AQP9: variants seen among roughly 807,000 people sequenced by gnomAD.
AQP9 encodes the protein aquaporin-9.
A neutral mutation model predicts 23.8 loss-of-function variants in AQP9; 19 were observed. That is an observed-to-expected ratio of 0.80 (90% CI 0.56 to 1.17). AQP9 has a LOEUF of 1.17. Ranked by LOEUF, AQP9 falls within the 50% of genes most tolerant of loss-of-function variation. The pLI is 0.00. For synonymous variants in AQP9, 153 were observed against 131.5 expected (o/e 1.16, Z -1.12); for missense variants, 413 against 362.0 (o/e 1.14, Z -1.14).
rs113392375 is a variant in AQP9 at position 58,157,393 on chromosome 15, G to A, written c.112-9280G>A. ...TCTGGGTGAGACTTGGAGGTATTGG[G>A]GCATTTTAGAATGTCCACCTGGCTT... is the stretch of plus-strand genomic sequence containing the variant. On this transcript the variant is annotated intron_variant, in intron 1 of 5. Transcript: ENST00000219919. Among the ~76,000 whole-genome samples, 983 of 152,198 alleles carry A rather than the reference G, an allele frequency of 6.5e-3. 16 individuals are homozygous for A. The highest frequency in any genetic ancestry group is 0.023 in the African/African-American group (945 of 41,522).
rs1897896349 is a variant in AQP9 at position 58,138,524 on chromosome 15, G to A, written c.-42G>A. On this transcript the variant is annotated 5_prime_UTR_variant, in exon 1 of 6. Coordinates refer to ENST00000219919, the MANE Select transcript of AQP9 (RefSeq NM_020980.5). ...GCTGTGAAAGTGAGGACCACAACAG[G>A]TAGGTATTGGTAGAAACAGGAGTCC... The A allele has an allele frequency of 2.0e-6, 3 of 1,518,190 alleles. No individual in the cohort carries two copies. Among genetic ancestry groups the A allele is most frequent in the South Asian group, 2.3e-5 (2 of 87,860 alleles). The allele number at this position is 1,518,190 out of a possible 1,614,324, so 94.0% of individuals were successfully genotyped here.
intron 2 of AQP9, among the ~76,000 whole-genome samples, chr15:58,169,340 T>C (rs1235412548): frequency 6.6e-6 from 1 of 152,222 alleles, no homozygotes; most frequent in African/African-American, 2.4e-5. Flanking sequence ...GTCCTTATCT[T>C]TCTATCTCTA....
chr15:58,162,755 G>T (rs1162037268), intron 1 of AQP9, among the ~76,000 whole-genome samples: 2 of 152,124 alleles, frequency 1.3e-5, no homozygotes, highest in Non-Finnish European at 2.9e-5. Context: ...CCCAGCTAAG[G>T]TATCAGAGGA....
intron 1 of AQP9, among the ~76,000 whole-genome samples, chr15:58,143,289 G>T (rs981030054): frequency 6.6e-6 from 1 of 152,182 alleles, no homozygotes; most frequent in Non-Finnish European, 1.5e-5. Flanking sequence ...CTTGAAGCAA[G>T]AGTTTAAAGA....
chr15:58,138,836 T>C (rs1380168071), intron 1 of AQP9, 160 bp downstream of exon 1: 1 of 621,620 alleles, frequency 1.6e-6, no homozygotes, highest in African/African-American at 1.8e-5. Context: ...TTTGACTATT[T>C]AGGGGTTGTG....
intron 1 of AQP9, among the ~76,000 whole-genome samples, chr15:58,162,323 C>T (rs1250967300): frequency 6.6e-6 from 1 of 152,218 alleles, no homozygotes; most frequent in African/African-American, 2.4e-5. Context: ...TGCCCCTCCA[C>T]TTATTGCAAT....
intron 2 of AQP9, among the ~76,000 whole-genome samples, chr15:58,169,387 G>A (rs1160485930): frequency 6.6e-6 from 1 of 152,164 alleles, no homozygotes; most frequent in Admixed American, 6.5e-5. Context: ...CCTAAGGACT[G>A]GTGGCTTTGG....
chr15:58,166,643 C>A (rs1271100917), intron 1 of AQP9, 30 bp from the exon 2 acceptor site: 3 of 1,591,816 alleles, frequency 1.9e-6, no homozygotes, highest in East Asian at 2.3e-5. Flanking sequence ...GCCATCCCCA[C>A]TTACCTGTTG....
intron 1 of AQP9, among the ~76,000 whole-genome samples, chr15:58,159,932 A>G (rs1224451783): frequency 2.6e-5 from 4 of 152,132 alleles, no homozygotes; most frequent in African/African-American, 9.7e-5. Context: ...GGTTGATTCC[A>G]TATTTTGGCT....
At chr15:58,174,287 G>C (rs1195929223) in intron 3 of AQP9, among the ~76,000 whole-genome samples, 1 of 127,804 alleles carries the variant, frequency 7.8e-6, no homozygotes, top group Non-Finnish European at 1.7e-5. Flanking sequence ...TGTCTCCAAA[G>C]AAGAAAAAAA....
intron 1 of AQP9, among the ~76,000 whole-genome samples, chr15:58,141,480 C>T (rs1038173535): frequency 1.3e-5 from 2 of 152,208 alleles, no homozygotes; most frequent in Admixed American, 6.5e-5. Context: ...GAAAAAAATG[C>T]AAGTACTTCT....
chr15:58,140,282 G>A (rs1486234621), intron 1 of AQP9, among the ~76,000 whole-genome samples: 1 of 142,572 alleles, frequency 7.0e-6, no homozygotes, highest in African/African-American at 2.6e-5. Flanking sequence ...CGTGCTTTCT[G>A]TGTTGAAAGT....
chr15:58,166,897 C>A, intron 2 of AQP9, 98 bp downstream of exon 2: 1 of 1,420,750 alleles, frequency 7.0e-7, no homozygotes, highest in South Asian at 1.6e-5. Context: ...ACTTATATCT[C>A]AAAAATCCTG....
chr15:58,185,256 G>T lies in AQP9; in HGVS notation c.*1121G>T, dbSNP rs1460276520. 6.6e-6 allele frequency: 1 copy of T among 152,666 alleles called. No homozygotes were observed. Among genetic ancestry groups the T allele is most frequent in the Non-Finnish European group, 1.5e-5 (1 of 68,048 alleles). 9.5% of individuals were successfully genotyped at this position (152,666 alleles called of 1,614,324 possible). ...GTTGTCCAAGAGCACACTGAAAGTT[G>T]AATGTTATCTAATGCATTCCTCTAC... On this transcript the variant is annotated 3_prime_UTR_variant, in exon 6 of 6. Coordinates refer to ENST00000219919, the MANE Select transcript of AQP9 (RefSeq NM_020980.5).
At chr15:58,151,014 G>GAT (rs1390701777) in intron 1 of AQP9, 1 of 152,132 alleles carries the variant, frequency 6.6e-6, no homozygotes, top group Non-Finnish European at 1.5e-5. Context: ...ATTAGATTAT[G>GAT]ATAGACTATA....
At chr15:58,162,866 A>C (rs1228670742) in intron 1 of AQP9, among the ~76,000 whole-genome samples, 2 of 152,216 alleles carry the variant, frequency 1.3e-5, no homozygotes, top group Non-Finnish European at 2.9e-5. Context: ...TAGAGCAGGG[A>C]TGACGTGCCA....
chr15:58,162,933 G>A (rs187168702), intron 1 of AQP9, among the ~76,000 whole-genome samples: 3 of 152,294 alleles, frequency 2.0e-5, no homozygotes, highest in Admixed American at 1.3e-4. Context: ...ATCATTTAAA[G>A]CCACTAAGTT....
chr15:58,184,053 A>G lies in AQP9; in HGVS notation c.806A>G (p.His269Arg), dbSNP rs1898954876. ...GLIYVLVIEIHHPEPDSVFKT... is the reference protein window; with the variant it reads ...GLIYVLVIEIRHPEPDSVFKT... The stretch of plus-strand genomic sequence containing the variant: ...ATCTATGTTCTTGTCATTGAAATCC[A>G]CCATCCAGAGCCTGACTCAGTCTTT... The change falls in exon 6 of 6, where the codon CAC becomes CGC. Residue 269 changes from histidine (H) to arginine (R), a missense_variant. Transcript: ENST00000219919. 1.2e-6 allele frequency: 2 copies of G among 1,614,168 alleles called. No homozygotes were observed. Among genetic ancestry groups the G allele is most frequent in the Non-Finnish European group, 1.7e-6 (2 of 1,180,008 alleles).
chr15:58,151,018 G>C (rs1336985711), intron 1 of AQP9: 1 of 152,114 alleles, frequency 6.6e-6, no homozygotes, highest in African/African-American at 2.4e-5. Flanking sequence ...GATTATGATA[G>C]ACTATATTTA....
Sources: gnomAD v4.1 joint callset for allele counts (sites outside exome capture counted in the v4.1 genomes callset) on GRCh38, gnomAD v4.1.1 for gene constraint, MANE v1.5 for transcripts, NCBI Gene and HGNC (gene_info 2026-07-23, HGNC 2026-07-21) for gene names.